Variants in ATN1 observed in about 807,000 individuals in gnomAD.
The protein encoded by ATN1 is atrophin-1.
In ATN1, 19 loss-of-function variants were observed where a neutral mutation model predicts 85.8. The observed-to-expected ratio is 0.22, with a 90% CI of 0.15 to 0.32. ATN1 has a LOEUF of 0.32. Ranked by LOEUF, ATN1 falls within the 10% of genes least tolerant of loss-of-function variation. ATN1 has a pLI of 1.00. For synonymous variants in ATN1, 674 were observed against 657.0 expected, an observed-to-expected ratio of 1.03 and a Z score of -0.39; for missense variants, 1,453 against 1,564.5, an observed-to-expected ratio of 0.93 and a Z score of 1.20.
chr12:6,939,326 C>T (rs1945601931), intron 7 of ATN1, 149 bp downstream of exon 7: 10 of 1,206,472 alleles, frequency 8.3e-6, no homozygotes, highest in Non-Finnish European at 1.1e-5. Context: ...GCCTCCCTGA[C>T]GTTCTCTCAG....
Position 6,934,666 on chromosome 12 carries a change from T to G in ATN1, c.279+88T>G. ...TGCTCACTATTCTTAGCTGGATCTC[T>G]CCTGGGACATAAGAGAAAGGCCAGA... is the stretch of plus-strand genomic sequence containing the variant. On this transcript the variant is annotated intron_variant, in intron 4 of 9. Transcript: ENST00000396684. This position sits in a 1 kb window ranked among gnomAD's most constrained non-coding sequence, Gnocchi z 4.5. 1.0e-6 allele frequency: 1 copy of G among 980,532 alleles called. No individual in the cohort carries two copies. The allele number at this position is 980,532 out of a possible 1,614,324, so 60.7% of individuals were successfully genotyped here. A position where few individuals can be genotyped will look rare whatever the true frequency, so the allele number is the denominator to read the frequency against.
At position 6,938,772 on chromosome 12, in the gene ATN1, G is replaced by A; in HGVS notation, c.2809G>A (p.Ala937Thr). 1 of 1,614,060 alleles carries A rather than the reference G, an allele frequency of 6.2e-7. No homozygotes were observed. The highest frequency in any genetic ancestry group is 8.5e-7 in the Non-Finnish European group (1 of 1,180,034). Residue 937 changes from alanine to threonine, a missense_variant, in exon 7 of 10, where the codon GCC becomes ACC. By Grantham distance (58) the Ala-to-Thr change is moderately conservative. This residue lies in a region of ATN1 where 208 missense variants were observed against 263.4 expected (regional missense o/e 0.79). Transcript: ENST00000396684. ...DPAARERERE[A>T]RERDLRDRLK... ...AGCTGCCCGGGAGAGGGAACGGGAA[G>A]CCCGTGAACGAGACCTCCGTGACCG...
At position 6,935,103 on chromosome 12, in the gene ATN1, G is replaced by C. The variant is rs1384566139; in HGVS notation, c.280-444G>C. Among the ~76,000 whole-genome samples, 1 of 152,150 alleles carries C rather than the reference G, an allele frequency of 6.6e-6. No individual in the cohort carries two copies. Among genetic ancestry groups the C allele is most frequent in the African/African-American group, 2.4e-5 (1 of 41,436 alleles). ...GTGTTTCACCATGTTGGCCAGGCTGGTTTGGAACTCCTGGCATCAAGTGAT... is the reference window on the plus strand; with the variant it reads ...GTGTTTCACCATGTTGGCCAGGCTGCTTTGGAACTCCTGGCATCAAGTGAT... On this transcript the variant is annotated intron_variant, in intron 4 of 9. Coordinates refer to ENST00000396684, the MANE Select transcript of ATN1 (RefSeq NM_001940.4). This position sits in a 1 kb window ranked among gnomAD's most constrained non-coding sequence, Gnocchi z 5.3.
upstream of ATN1, among the ~76,000 whole-genome samples, chr12:6,925,717 A>G (rs868921648): frequency 1.8e-4 from 27 of 152,200 alleles, no homozygotes; most frequent in African/African-American, 6.5e-4. Context: ...TATTCCCAGA[A>G]CTTTGTTGAA....
intron 1 of ATN1, among the ~76,000 whole-genome samples, chr12:6,933,048 T>C (rs145743398): frequency 4.5e-4 from 69 of 152,244 alleles, no homozygotes; most frequent in African/African-American, 1.5e-3. Context: ...CTGTGTGAGG[T>C]TGGGCTAGTC....
Position 6,941,812 on chromosome 12 carries a change from A to T in ATN1, c.*32A>T. On this transcript the variant is annotated 3_prime_UTR_variant, in exon 10 of 10. Transcript: ENST00000396684. The surrounding 1 kb of genome is among the most constrained non-coding windows in gnomAD (Gnocchi z 5.9). ...CGATCAAGAGAGCACCATGGCTCCT[A>T]CATTGGACCTTGGAGCACCCCCACC... 6.2e-7 allele frequency: 1 copy of T among 1,612,396 alleles called. No individual in the cohort carries two copies. The highest frequency in any genetic ancestry group is 8.5e-7 in the Non-Finnish European group (1 of 1,178,490).
In ATN1 at chr12:6,936,398, C is replaced by G; in HGVS notation, c.1131C>G (p.Ser377=). The change falls in exon 5 of 10, where the codon TCC becomes TCG. Residue 377 remains serine, a synonymous_variant. Transcript: ENST00000396684. Reference sequence around the variant, plus strand: ...CCCCCATGAGGTTTCCTTATTCATCCTCTAGTAGTAGCTCTGCAGCAGCCT... The same window carrying G: ...CCCCCATGAGGTTTCCTTATTCATCGTCTAGTAGTAGCTCTGCAGCAGCCT... ...PAPPMRFPYS[S]SSSSSAAASS... 6.2e-7 allele frequency: 1 copy of G among 1,613,744 alleles called. No homozygotes were observed. Among genetic ancestry groups the G allele is most frequent in the Non-Finnish European group, 8.5e-7 (1 of 1,179,940 alleles).
rs782444166 is a variant in ATN1, at chr12:6,934,168, T to G, written c.28-8T>G. On this transcript the variant is annotated splice_region_variant and splice_polypyrimidine_tract_variant and intron_variant, in intron 2 of 9. Transcript: ENST00000396684. This position sits in a 1 kb window ranked among gnomAD's most constrained non-coding sequence, Gnocchi z 4.5. Reference sequence around the variant, plus strand: ...ACAGTGTTACCTACCTCCTTCCTCCTCCTGTAGATGTCAATGAGGAGTGGA... The same window carrying G: ...ACAGTGTTACCTACCTCCTTCCTCCGCCTGTAGATGTCAATGAGGAGTGGA... 2 of 1,613,306 alleles carry G rather than the reference T, an allele frequency of 1.2e-6. No individual in the cohort carries two copies. The highest frequency in any genetic ancestry group is 4.5e-5 in the East Asian group (2 of 44,872).
upstream of ATN1, among the ~76,000 whole-genome samples, chr12:6,924,959 C>T (rs1188512516): frequency 6.6e-6 from 1 of 152,138 alleles, no homozygotes; most frequent in Non-Finnish European, 1.5e-5. Flanking sequence ...CCCAAAGTAT[C>T]GGGGTTGGAT....
chr12:6,933,364 G>C (rs1345320570), intron 1 of ATN1, among the ~76,000 whole-genome samples: 1 of 152,046 alleles, frequency 6.6e-6, no homozygotes, highest in South Asian at 2.1e-4. Flanking sequence ...TTACAGGCAC[G>C]TGCCACCACG....
chr12:6,939,984 A>ACCAT (rs1309420625), intron 7 of ATN1, among the ~76,000 whole-genome samples: 4 of 151,858 alleles, frequency 2.6e-5, no homozygotes, highest in African/African-American at 9.7e-5. Context: ...CTATCCTTTC[A>ACCAT]CCATTTTTTG....
rs782468714 is a variant in ATN1 at position 6,936,773 on chromosome 12, G to GCAGCAGCAT, written c.1508_1509insGCAGCATCA (p.Gln502_His503insGlnGlnHis). 35 of 1,590,408 alleles carry GCAGCAGCAT rather than the reference G, an allele frequency of 2.2e-5. No individual in the cohort carries two copies. The highest frequency in any genetic ancestry group is 1.0e-4 in the South Asian group (9 of 89,192). On this transcript the variant is annotated inframe_insertion, in exon 5 of 10. Coordinates refer to ENST00000396684, the MANE Select transcript of ATN1 (RefSeq NM_001940.4). ...AGCAGCAGCAGCAGCAGCAGCAGCA[G>GCAGCAGCAT]CATCACGGAAACTCTGGGCCCCCTC... is the stretch of plus-strand genomic sequence containing the variant.
In ATN1 at chr12:6,934,012, G is replaced by A. The variant is rs782347493; in HGVS notation, c.11G>A (p.Arg4Gln). 1.2e-6 allele frequency: 2 copies of A among 1,607,308 alleles called. No individual in the cohort carries two copies. The highest frequency in any genetic ancestry group is 1.7e-6 in the Non-Finnish European group (2 of 1,176,948). Residue 4 changes from arginine (R) to glutamine (Q), a missense_variant, in exon 2 of 10, where the codon CGA (arginine) becomes CAA (glutamine). Arg to Gln is a conservative substitution (Grantham distance 43). Around this residue, in one of 6 missense-constraint regions of ATN1, gnomAD observed 130 missense variants for 158.2 expected, o/e 0.82. Coordinates refer to ENST00000396684, the MANE Select transcript of ATN1 (RefSeq NM_001940.4). This position sits in a 1 kb window ranked among gnomAD's most constrained non-coding sequence, Gnocchi z 4.5. MKT[R>Q]QNKDSMSMRS... ...TCCACAGCCTGAAGAATGAAGACAC[G>A]ACAGAATAAAGACTCGGTGAGTTAA... is the stretch of plus-strand genomic sequence containing the variant.
rs1214530224 is a variant in ATN1 at position 6,928,025 on chromosome 12, G to T, written c.-522G>T. 6.9e-6 allele frequency among the ~76,000 whole-genome samples: 1 copy of T among 144,934 alleles called. No homozygotes were observed. The highest frequency in any genetic ancestry group is 2.0e-4 in the East Asian group (1 of 4,960). Reference sequence around the variant, plus strand: ...CTGCGCTAGGCGGGCGCGGGCGGCGGCGGGTCGGAACCGCGCCGAGGGCCG... The same window carrying T: ...CTGCGCTAGGCGGGCGCGGGCGGCGTCGGGTCGGAACCGCGCCGAGGGCCG... On this transcript the variant is annotated 5_prime_UTR_variant, in exon 1 of 10. Coordinates refer to ENST00000396684, the MANE Select transcript of ATN1 (RefSeq NM_001940.4).
At chr12:6,924,902 A>G (rs922126201), upstream of ATN1, among the ~76,000 whole-genome samples, 7 of 151,502 alleles carry the variant, frequency 4.6e-5, no homozygotes, top group African/African-American at 1.5e-4. Flanking sequence ...CCTTTCTTTC[A>G]TCCCTCCTCA....
chr12:6,940,272 G>T (rs1945617643), intron 7 of ATN1, among the ~76,000 whole-genome samples: 1 of 151,482 alleles, frequency 6.6e-6, no homozygotes, highest in Non-Finnish European at 1.5e-5. Context: ...TTACAAGCGT[G>T]AGCCACCGCA....
chr12:6,937,036 C>G lies in ATN1; in HGVS notation c.1769C>G (p.Pro590Arg), dbSNP rs781790332. Residue 590 changes from proline (P) to arginine (R), a missense_variant, in exon 5 of 10, where the codon CCT (proline) becomes CGT (arginine). Transcript: ENST00000396684. This position sits in a 1 kb window ranked among gnomAD's most constrained non-coding sequence, Gnocchi z 6.0. ...TCCTACCCATGTTCACACCCCTCCC[C>G]TTCCCAGGGCCCTCAAGGGGCGCCC... The part of the protein sequence containing the change: ...QGSYPCSHPS[P>R]SQGPQGAPYP... 3.1e-6 allele frequency: 5 copies of G among 1,613,984 alleles called. No individual in the cohort carries two copies. The African/African-American group carries it at 5.3e-5, about 17-fold the overall frequency.
chr12:6,937,783 C>G lies in ATN1; in HGVS notation c.2295-62C>G. ...CTACAAGCACTCGCCGGGGCCGCGG[C>G]GCTGCGGGCTCCATCGGGCAGCTCG... On this transcript the variant is annotated intron_variant, in intron 5 of 9. Transcript: ENST00000396684. This position sits in a 1 kb window ranked among gnomAD's most constrained non-coding sequence, Gnocchi z 6.0. 6.8e-7 allele frequency: 1 copy of G among 1,480,580 alleles called. No homozygotes were observed. The highest frequency in any genetic ancestry group is 2.5e-5 in the Admixed American group (1 of 39,564). 91.7% of individuals were successfully genotyped at this position (1,480,580 alleles called of 1,614,324 possible).
Position 6,937,287 on chromosome 12 carries a change from C to G in ATN1, c.2020C>G (p.Arg674Gly). The G allele has an allele frequency of 6.2e-7, 1 of 1,601,074 alleles. No homozygotes were observed. The highest frequency in any genetic ancestry group is 8.5e-7 in the Non-Finnish European group (1 of 1,174,724). ...CCGAACGGGGACCCCACCGGGCTAT[C>G]GAGGAACCTCGCCACCTGCAGGCCC... ...SFRTGTPPGY[R>G]GTSPPAGPGT... Residue 674 changes from arginine (R) to glycine (G), a missense_variant, in exon 5 of 10, where the codon CGA becomes GGA. Arg to Gly is a moderately radical substitution (Grantham distance 125, BLOSUM62 -2). Around this residue, in one of 6 missense-constraint regions of ATN1, gnomAD observed 990 missense variants for 914.8 expected, o/e 1.08. Coordinates refer to ENST00000396684, the MANE Select transcript of ATN1 (RefSeq NM_001940.4). The surrounding 1 kb of genome is among the most constrained non-coding windows in gnomAD (Gnocchi z 6.0).
Sources: allele counts gnomAD v4.1 joint callset (sites outside exome capture counted in the v4.1 genomes callset), GRCh38; gene constraint gnomAD v4.1.1; regional missense constraint gnomAD v4.1.1; non-coding constraint Gnocchi (gnomAD v3.1); transcripts MANE v1.5; gene names NCBI Gene and HGNC (gene_info 2026-07-23, HGNC 2026-07-21).